ARHGEF16: variants seen among roughly 807,000 people sequenced by gnomAD.
The protein encoded by ARHGEF16 is Rho guanine exchange factor (GEF) 16.
In ARHGEF16, 59 loss-of-function variants were observed where a neutral mutation model predicts 74.1. That is an observed-to-expected ratio of 0.80 (90% CI 0.65 to 0.99). The LOEUF (loss-of-function observed/expected upper bound fraction) is 0.99, where lower values mean the gene tolerates loss of function less well. Among genes scored for constraint, ARHGEF16 ranks in the 50% least tolerant of loss-of-function variants. The pLI, the probability that ARHGEF16 is intolerant of heterozygous loss-of-function variation, is 0.00. For missense variants in ARHGEF16, 948 were observed against 986.6 expected (o/e 0.96, Z 0.52); for synonymous variants, 415 against 412.6 (o/e 1.01, Z -0.07).
rs1639858291 is a variant in ARHGEF16 at position 3,475,956 on chromosome 1, A to G, written c.1381-14A>G. On this transcript the variant is annotated splice_polypyrimidine_tract_variant and intron_variant, in intron 9 of 14. Transcript: ENST00000378378. ...TGTAGCACCAGCCTCTCACACGGGA[A>G]CCATGCCCTGCAGCTGGTGAGGCAG... 2 of 1,548,826 alleles carry G rather than the reference A, an allele frequency of 1.3e-6. No homozygotes were observed. The highest frequency in any genetic ancestry group is 2.4e-5 in the South Asian group (2 of 83,744).
In ARHGEF16 at chr1:3,478,234, T is replaced by G. The variant is rs566444807; in HGVS notation, c.1626-190T>G. 9.9e-6 allele frequency: 9 copies of G among 909,412 alleles called. No individual in the cohort carries two copies. The South Asian group carries it at 1.3e-4, about 14-fold the overall frequency. The allele number at this position is 909,412 out of a possible 1,614,324, so 56.3% of individuals were successfully genotyped here. A position where few individuals can be genotyped will look rare whatever the true frequency, so the allele number is the denominator to read the frequency against. On this transcript the variant is annotated intron_variant, in intron 11 of 14. Coordinates refer to ENST00000378378, the MANE Select transcript of ARHGEF16 (RefSeq NM_014448.4). ...CTGACCTCCTCTGCAGACCTGGGTC[T>G]GCCGGTGATAGCCACGAGGAGGACT... is the stretch of plus-strand genomic sequence containing the variant.
intron 3 of ARHGEF16, chr1:3,466,837 AG>A (rs998275419): frequency 1.6e-5 from 4 of 249,386 alleles, no homozygotes; most frequent in African/African-American, 8.9e-5. Flanking sequence ...TGGGCCCAGG[AG>A]GGGGTACCCA....
intron 6 of ARHGEF16, among the ~76,000 whole-genome samples, chr1:3,469,943 G>A (rs1446895140): frequency 6.6e-6 from 1 of 152,230 alleles, no homozygotes; most frequent in East Asian, 1.9e-4. Flanking sequence ...GCCACAAGCT[G>A]CTCACCTGTA....
At chr1:3,476,125 T>C in intron 10 of ARHGEF16, 63 bp downstream of exon 10, 2 of 1,498,696 alleles carry the variant, frequency 1.3e-6, no homozygotes, top group South Asian at 1.3e-5. Context: ...CCTGCTGGCC[T>C]GCGTGTGAGG....
At chr1:3,459,877 T>C (rs1639352462) in intron 1 of ARHGEF16, among the ~76,000 whole-genome samples, 1 of 151,908 alleles carries the variant, frequency 6.6e-6, no homozygotes, top group Non-Finnish European at 1.5e-5. Flanking sequence ...GGGGTAGGAA[T>C]GCCCATAGGT....
chr1:3,472,982 ATG>A (rs1404757306), intron 6 of ARHGEF16, 94 bp from the exon 7 acceptor site: 4 of 1,329,150 alleles, frequency 3.0e-6, no homozygotes, highest in Non-Finnish European at 4.1e-6. Flanking sequence ...ACGTCCATGT[ATG>A]TGTGAGTGTG....
chr1:3,469,589 C>G lies in ARHGEF16; in HGVS notation c.1018C>G (p.Gln340Glu). 6.2e-7 allele frequency: 1 copy of G among 1,612,812 alleles called. No individual in the cohort carries two copies. The highest frequency in any genetic ancestry group is 8.5e-7 in the Non-Finnish European group (1 of 1,179,962). ...SNILDVLGAS[Q>E]RFFEDLEQRH... ...CATCCTGGATGTCCTGGGTGCCAGTCAGAGGTGAGGCCACGCCACAGCCTT... is the reference window on the plus strand; with the variant it reads ...CATCCTGGATGTCCTGGGTGCCAGTGAGAGGTGAGGCCACGCCACAGCCTT... Residue 340 changes from glutamine to glutamate, a missense_variant, in exon 6 of 15, where the codon CAG becomes GAG. Gln to Glu is a conservative substitution (Grantham distance 29). Coordinates refer to ENST00000378378, the MANE Select transcript of ARHGEF16 (RefSeq NM_014448.4).
intron 1 of ARHGEF16, among the ~76,000 whole-genome samples, chr1:3,455,151 A>G (rs1422359422): frequency 6.6e-6 from 1 of 152,088 alleles, no homozygotes; most frequent in East Asian, 1.9e-4. Flanking sequence ...CTTCCATGCA[A>G]CCGGAACCTG....
intron 10 of ARHGEF16, among the ~76,000 whole-genome samples, chr1:3,477,136 G>A (rs1569876918): frequency 6.6e-6 from 1 of 151,614 alleles, no homozygotes; most frequent in Non-Finnish European, 1.5e-5. Context: ...GGTGCCGGGG[G>A]CTCTGAGTCT....
chr1:3,471,976 A>T (rs1639737779), intron 6 of ARHGEF16, among the ~76,000 whole-genome samples: 1 of 152,138 alleles, frequency 6.6e-6, no homozygotes, highest in African/African-American at 2.4e-5. Flanking sequence ...TCTGCTGGGG[A>T]TTCTCAAGGG....
At position 3,477,984 on chromosome 1, in the gene ARHGEF16, T is replaced by C. The variant is rs1352424190; in HGVS notation, c.1583T>C (p.Leu528Pro). The change falls in exon 11 of 15, where the codon CTT (leucine) becomes CCT (proline). Residue 528 changes from leucine (L) to proline (P), a missense_variant. Transcript: ENST00000378378. ...ATTGCCAGCCGGCCAACGTGCTACC[T>C]TTTCCTGTTCAACGATGTCCTGGTT... ...RKIASRPTCY[L>P]FLFNDVLVVT... The C allele has an allele frequency of 6.2e-7, 1 of 1,612,526 alleles. No individual in the cohort carries two copies. The highest frequency in any genetic ancestry group is 8.5e-7 in the Non-Finnish European group (1 of 1,179,866).
chr1:3,468,716 TAGGCCCTCGGCAGGAC>T (rs1639618706), intron 4 of ARHGEF16, 148 bp from the exon 5 acceptor site: 1 of 721,588 alleles, frequency 1.4e-6, no homozygotes, highest in Admixed American at 2.2e-5. Flanking sequence ...GTGACGGGGA[TAGGCCCTCGGCAGGAC>T]AGGCCTACTC....
intron 11 of ARHGEF16, 42 bp from the exon 12 acceptor site, chr1:3,478,382 A>T (rs550198849): frequency 6.5e-6 from 10 of 1,547,258 alleles, no homozygotes; most frequent in Non-Finnish European, 8.8e-6. Context: ...ACTGGGTAGG[A>T]GCTGGGTGGG....
intron 1 of ARHGEF16, among the ~76,000 whole-genome samples, chr1:3,460,305 C>G (rs1183694704): frequency 2.6e-5 from 4 of 152,222 alleles, no homozygotes; most frequent in Non-Finnish European, 5.9e-5. Context: ...TGCTGCCAGC[C>G]AGGGCCAGGA....
rs755133312 is a variant in ARHGEF16, at chr1:3,479,592, T to C, written c.1888+2T>C. On this transcript the variant is annotated splice_donor_variant, in intron 13 of 14. Coordinates refer to ENST00000378378, the MANE Select transcript of ARHGEF16 (RefSeq NM_014448.4). LOFTEE classifies it high-confidence loss of function. Reference sequence around the variant, plus strand: ...GGCAGGGCCTCTCCAGCAAAGGAGGTGAGTGCGGGCTGGGGCCTGCAGGGC... The same window carrying C: ...GGCAGGGCCTCTCCAGCAAAGGAGGCGAGTGCGGGCTGGGGCCTGCAGGGC... The C allele has an allele frequency of 6.2e-7, 1 of 1,609,560 alleles. No homozygotes were observed. The highest frequency in any genetic ancestry group is 8.5e-7 in the Non-Finnish European group (1 of 1,178,722).
chr1:3,467,323 A>G lies in ARHGEF16; in HGVS notation c.790A>G (p.Ser264Gly). 1 of 1,549,520 alleles carries G rather than the reference A, an allele frequency of 6.5e-7. No homozygotes were observed. The highest frequency in any genetic ancestry group is 8.7e-7 in the Non-Finnish European group (1 of 1,146,406). ...CTACCGGCCCGCCCAGGTCACCTGG[A>G]GCCAGCTCCCAGAGGTAGCGCCGGA... is the stretch of plus-strand genomic sequence containing the variant. ...KSYRPAQVTW[S>G]QLPEVVELGI... The change falls in exon 4 of 15, where the codon AGC (serine) becomes GGC (glycine). Residue 264 changes from serine (S) to glycine (G), a missense_variant. Transcript: ENST00000378378.
chr1:3,462,084 G>A (rs1055033950), intron 1 of ARHGEF16, among the ~76,000 whole-genome samples: 8 of 152,014 alleles, frequency 5.3e-5, no homozygotes, highest in Admixed American at 6.5e-5. Context: ...CAGGAGGGGC[G>A]GGCAGGAGTG....
chr1:3,457,797 GCCT>G (rs1056717228), intron 1 of ARHGEF16, among the ~76,000 whole-genome samples: 3 of 152,304 alleles, frequency 2.0e-5, no homozygotes, highest in Admixed American at 6.5e-5. Flanking sequence ...TCTGCTGCAC[GCCT>G]CCTCCTGGCA....
chr1:3,461,829 A>G (rs1159389584), intron 1 of ARHGEF16, among the ~76,000 whole-genome samples: 49 of 151,992 alleles, frequency 3.2e-4, no homozygotes, highest in Non-Finnish European at 1.5e-4. Context: ...GCCTATAGTC[A>G]TGGCAGCCAG....
Sources: gnomAD v4.1 joint callset for allele counts (sites outside exome capture counted in the v4.1 genomes callset) on GRCh38, gnomAD v4.1.1 for gene constraint, MANE v1.5 for transcripts, NCBI Gene and HGNC (gene_info 2026-07-23, HGNC 2026-07-21) for gene names.